The following SMYD3 variants were observed in gnomAD, a reference collection of about 807,000 sequenced individuals.
The protein encoded by SMYD3 is histone-lysine N-methyltransferase SMYD3.
In SMYD3, 36 loss-of-function variants were observed where a neutral mutation model predicts 57.7. The observed-to-expected ratio is 0.62, with a 90% confidence interval of 0.48 to 0.82. SMYD3 has a LOEUF of 0.82. SMYD3 is among the 40% of genes least tolerant of loss of function. The pLI is 0.00. For missense variants in SMYD3, 515 were observed against 538.8 expected, an observed-to-expected ratio of 0.96 and a Z score of 0.44; for synonymous variants, 211 against 195.0, an observed-to-expected ratio of 1.08 and a Z score of -0.68.
intron 1 of SMYD3, among the ~76,000 whole-genome samples, chr1:246,504,833 G>C (rs1431705404): frequency 6.6e-6 from 1 of 152,208 alleles, no homozygotes; most frequent in Non-Finnish European, 1.5e-5. Context: ...TGAATAAAGA[G>C]AAACAAATTT....
At chr1:246,459,362 TC>T (rs2067758701) in intron 1 of SMYD3, among the ~76,000 whole-genome samples, 1 of 151,818 alleles carries the variant, frequency 6.6e-6, no homozygotes, top group Non-Finnish European at 1.5e-5. Flanking sequence ...GTGTAGCACG[TC>T]CCCATTCACT....
At chr1:245,767,591 T>C (rs1319341902) in intron 10 of SMYD3, among the ~76,000 whole-genome samples, 5 of 151,962 alleles carry the variant, frequency 3.3e-5, no homozygotes, top group Admixed American at 6.6e-5. Flanking sequence ...CCACTGGAGA[T>C]GATGATGGGA....
chr1:246,485,033 C>G (rs2068164637), intron 1 of SMYD3, among the ~76,000 whole-genome samples: 1 of 39,046 alleles, frequency 2.6e-5, no homozygotes, highest in Admixed American at 3.1e-4. Flanking sequence ...CACCTGAAAA[C>G]ACATCGCCTC....
At chr1:246,211,842 A>C (rs1432828034) in intron 5 of SMYD3, among the ~76,000 whole-genome samples, 1 of 152,072 alleles carries the variant, frequency 6.6e-6, no homozygotes, top group Non-Finnish European at 1.5e-5. Context: ...TGTTTATTGA[A>C]TATCTACTGT....
At chr1:246,280,604 G>C (rs2064422361) in intron 5 of SMYD3, among the ~76,000 whole-genome samples, 1 of 152,094 alleles carries the variant, frequency 6.6e-6, no homozygotes. Context: ...CTCTTTAAAA[G>C]AATGTTAAAG....
chr1:246,027,744 A>C (rs564065449), intron 5 of SMYD3, among the ~76,000 whole-genome samples: 6 of 152,214 alleles, frequency 3.9e-5, no homozygotes, highest in Non-Finnish European at 8.8e-5. Context: ...CTACTAACAC[A>C]AAATCTAGTC....
intron 8 of SMYD3, among the ~76,000 whole-genome samples, chr1:245,900,160 A>T (rs2054089720): frequency 6.6e-6 from 1 of 152,212 alleles, no homozygotes; most frequent in Admixed American, 6.5e-5. Context: ...TAGAGTAAAG[A>T]AAATGGTCTC....
chr1:246,046,627 A>AAT (rs941765740), intron 5 of SMYD3, among the ~76,000 whole-genome samples: 29 of 147,902 alleles, frequency 2.0e-4, no homozygotes, highest in South Asian at 1.1e-3. Flanking sequence ...AATGCAATAA[A>AAT]ATATATATAT....
intron 5 of SMYD3, among the ~76,000 whole-genome samples, chr1:246,326,598 A>AC (rs1275655761): frequency 1.9e-5 from 2 of 103,188 alleles, no homozygotes; most frequent in African/African-American, 3.1e-5. Flanking sequence ...ACAAAAACAA[A>AC]AAAAAAAAAA....
intron 5 of SMYD3, among the ~76,000 whole-genome samples, chr1:246,236,453 C>T (rs1287495781): frequency 1.3e-5 from 2 of 152,008 alleles, no homozygotes; most frequent in South Asian, 2.1e-4. Context: ...CTCACTCTGT[C>T]GCCCAGGCTG....
At chr1:245,787,403 A>T (rs139444518) in intron 10 of SMYD3, among the ~76,000 whole-genome samples, 30 of 152,318 alleles carry the variant, frequency 2.0e-4, no homozygotes, top group African/African-American at 7.0e-4. Flanking sequence ...GGACCAGTTC[A>T]CATCCACACT....
At chr1:246,093,957 C>T (rs967248036) in intron 5 of SMYD3, among the ~76,000 whole-genome samples, 3 of 152,084 alleles carry the variant, frequency 2.0e-5, no homozygotes, top group South Asian at 2.1e-4. Context: ...TACTAGAAGT[C>T]GGTGTAGCGT....
At chr1:246,131,175 C>T (rs1233209261) in intron 5 of SMYD3, among the ~76,000 whole-genome samples, 1 of 152,126 alleles carries the variant, frequency 6.6e-6, no homozygotes, top group Non-Finnish European at 1.5e-5. Context: ...TTTGCATTCC[C>T]AACACACATA....
chr1:246,286,302 AG>A (rs1020166003), intron 5 of SMYD3, among the ~76,000 whole-genome samples: 16 of 152,216 alleles, frequency 1.1e-4, no homozygotes, highest in African/African-American at 3.6e-4. Flanking sequence ...ATACATGCGC[AG>A]GATGTGCAGA....
chr1:246,479,501 GATT>G (rs2068075044), intron 1 of SMYD3, among the ~76,000 whole-genome samples: 1 of 92,912 alleles, frequency 1.1e-5, no homozygotes, highest in African/African-American at 3.6e-5. Flanking sequence ...CAAAAAGCGG[GATT>G]TTTTTTTTTT....
intron 5 of SMYD3, among the ~76,000 whole-genome samples, chr1:246,006,155 A>C (rs1414562416): frequency 1.3e-5 from 2 of 152,224 alleles, no homozygotes; most frequent in Non-Finnish European, 1.5e-5. Flanking sequence ...CTGACTGCTA[A>C]AAGAAATCTA....
At chr1:246,076,677 G>GA (rs2060554176) in intron 5 of SMYD3, among the ~76,000 whole-genome samples, 1 of 63,648 alleles carries the variant, frequency 1.6e-5, no homozygotes. Context: ...GTCTGGTTTT[G>GA]TTTTTTTTTT....
intron 5 of SMYD3, among the ~76,000 whole-genome samples, chr1:246,155,520 A>G (rs1323678153): frequency 6.6e-6 from 1 of 152,244 alleles, no homozygotes; most frequent in African/African-American, 2.4e-5. Context: ...AAGGTTATCA[A>G]ACCAAACAGT....
intron 5 of SMYD3, among the ~76,000 whole-genome samples, chr1:246,316,593 A>G (rs1456991695): frequency 1.6e-5 from 2 of 124,892 alleles, no homozygotes; most frequent in Non-Finnish European, 3.2e-5. Flanking sequence ...GTTGCCCAGG[A>G]TGGTCTTGAA....
Sources: allele counts gnomAD v4.1 joint callset (sites outside exome capture counted in the v4.1 genomes callset), GRCh38; gene constraint gnomAD v4.1.1; transcripts MANE v1.5; gene names NCBI Gene and HGNC (gene_info 2026-07-23, HGNC 2026-07-21).